The following MIX23 variants were observed in gnomAD, a reference collection of about 807,000 sequenced individuals.
MIX23 encodes mitochondrial matrix import factor 23, also known as protein MIX23.
MIX23 carries 13 observed loss-of-function variants against 21.6 expected under a neutral mutation model. That is an observed-to-expected ratio of 0.60 (90% CI 0.39 to 0.96). MIX23 has a LOEUF of 0.96. Ranked by LOEUF, MIX23 falls within the 40% of genes least tolerant of loss-of-function variation. The probability of loss-of-function intolerance (pLI) is 0.00; values close to 1 mark genes in which losing one functional copy is unlikely to be tolerated. For missense variants in MIX23, 144 were observed against 171.2 expected (o/e 0.84, Z 0.89); for synonymous variants, 59 against 58.0 (o/e 1.02, Z -0.08).
chr3:122,368,084 T>C, intron 3 of MIX23, 92 bp downstream of exon 3: 5 of 1,207,244 alleles, frequency 4.1e-6, no homozygotes, highest in Non-Finnish European at 6.0e-6. Flanking sequence ...AACTGCCATA[T>C]TATATGCCAA....
At chr3:122,359,995 T>TTCC in intron 4 of MIX23, 76 bp from the exon 5 acceptor site, 1 of 1,382,382 alleles carries the variant, frequency 7.2e-7, no homozygotes, top group Non-Finnish European at 1.0e-6. Context: ...TTCAATTTAG[T>TTCC]AGGCTCCAAA....
chr3:122,377,710 T>C (rs1432813721), intron 1 of MIX23, among the ~76,000 whole-genome samples: 2 of 152,090 alleles, frequency 1.3e-5, no homozygotes, highest in Non-Finnish European at 1.5e-5. Flanking sequence ...TAGCCAAGCA[T>C]GGTGGCATGT....
At chr3:122,378,069 C>T (rs2075501956) in intron 1 of MIX23, among the ~76,000 whole-genome samples, 1 of 152,124 alleles carries the variant, frequency 6.6e-6, no homozygotes, top group African/African-American at 2.4e-5. Flanking sequence ...CACAGGGAAC[C>T]AAACATGTGT....
At chr3:122,372,550 G>A (rs1397691881) in intron 1 of MIX23, among the ~76,000 whole-genome samples, 5 of 152,212 alleles carry the variant, frequency 3.3e-5, no homozygotes, top group East Asian at 1.9e-4. Context: ...GGCTGGGCAC[G>A]GTGGCTCACA....
At chr3:122,361,031 G>A (rs1429442247) in intron 4 of MIX23, among the ~76,000 whole-genome samples, 1 of 152,056 alleles carries the variant, frequency 6.6e-6, no homozygotes, top group East Asian at 1.9e-4. Flanking sequence ...TTTTAGTAGA[G>A]ACGGGGTTTC....
chr3:122,362,580 C>T (rs1420068822), intron 4 of MIX23, among the ~76,000 whole-genome samples: 4 of 151,842 alleles, frequency 2.6e-5, no homozygotes, highest in South Asian at 2.1e-4. Flanking sequence ...CTCCTGGGTT[C>T]GAGCGATTCT....
intron 2 of MIX23, among the ~76,000 whole-genome samples, chr3:122,368,686 C>T (rs1446760810): frequency 6.6e-6 from 1 of 152,194 alleles, no homozygotes; most frequent in Non-Finnish European, 1.5e-5. Context: ...TATTCTACAA[C>T]CACCCGCACA....
In MIX23 at chr3:122,359,861, A is replaced by C. The variant is rs759478209; in HGVS notation, c.*8T>G. ...AAAAAAAAAAAAAAAAAAAAAAAGA[A>C]TCTCTCTTTATTCATTCTTTGGAGG... On this transcript the variant is annotated 3_prime_UTR_variant, in exon 5 of 5. Transcript: ENST00000291458. 6.7e-7 allele frequency: 1 copy of C among 1,488,612 alleles called. No individual in the cohort carries two copies. Among genetic ancestry groups the C allele is most frequent in the South Asian group, 1.3e-5 (1 of 78,238 alleles). The allele number at this position is 1,488,612 out of a possible 1,614,324, so 92.2% of individuals were successfully genotyped here.
intron 1 of MIX23, among the ~76,000 whole-genome samples, chr3:122,379,901 T>C (rs918371240): frequency 6.6e-6 from 1 of 152,236 alleles, no homozygotes; most frequent in African/African-American, 2.4e-5. Flanking sequence ...TCTGAAATTA[T>C]GCAGGCGTTT....
intron 1 of MIX23, among the ~76,000 whole-genome samples, chr3:122,377,104 C>T (rs2075493583): frequency 6.6e-6 from 1 of 152,168 alleles, no homozygotes; most frequent in South Asian, 2.1e-4. Flanking sequence ...TTGCTTGAAC[C>T]CAGCACGCAG....
At chr3:122,382,934 C>T (rs1190459632) in intron 1 of MIX23, among the ~76,000 whole-genome samples, 2 of 152,234 alleles carry the variant, frequency 1.3e-5, no homozygotes, top group Non-Finnish European at 2.9e-5. Context: ...TTACCCAGAG[C>T]TTCCCAGACA....
At chr3:122,362,810 C>CG (rs1474079797) in intron 4 of MIX23, among the ~76,000 whole-genome samples, 158 bp downstream of exon 4, 7 of 136,798 alleles carry the variant, frequency 5.1e-5, no homozygotes, top group Non-Finnish European at 7.8e-5. Context: ...TACCCTCCCC[C>CG]CAACCCCAAA....
chr3:122,371,124 G>C (rs1209489326), intron 2 of MIX23, among the ~76,000 whole-genome samples: 2 of 152,144 alleles, frequency 1.3e-5, no homozygotes, highest in Admixed American at 6.5e-5. Flanking sequence ...TGCTTTTGGA[G>C]ACTAAAAAAG....
In MIX23 at chr3:122,368,209, C is replaced by A; in HGVS notation, c.291G>T (p.Thr97=). ...GCTCTTTTCTAAGTTGTTTTAATAA[C>A]GTTAAATCGTCCAAATTCTTTTCTC... ...EEREKNLDDL[T]LLKQLRKEQT... is the part of the protein sequence containing the mutation. Residue 97 remains threonine (T), a synonymous_variant, in exon 3 of 5, where the codon ACG becomes ACT. Transcript: ENST00000291458. The A allele has an allele frequency of 6.2e-7, 1 of 1,610,066 alleles. No individual in the cohort carries two copies. The highest frequency in any genetic ancestry group is 1.1e-5 in the South Asian group (1 of 90,968).
At chr3:122,383,062 C>G in intron 1 of MIX23, 112 bp downstream of exon 1, 1 of 1,417,550 alleles carries the variant, frequency 7.1e-7, no homozygotes, top group East Asian at 2.3e-5. Flanking sequence ...GAGAAAAGAG[C>G]TTTGAATTGC....
At chr3:122,368,811 A>C (rs879475602) in intron 2 of MIX23, among the ~76,000 whole-genome samples, 13 of 152,238 alleles carry the variant, frequency 8.5e-5, no homozygotes, top group Admixed American at 5.2e-4. Flanking sequence ...AGAAGATTTC[A>C]TTACAATAAA....
chr3:122,368,641 C>T (rs547860964), intron 2 of MIX23, among the ~76,000 whole-genome samples: 20 of 152,336 alleles, frequency 1.3e-4, no homozygotes, highest in Non-Finnish European at 2.5e-4. Flanking sequence ...CCCTACACCA[C>T]TGACTTTCCC....
chr3:122,376,166 CAAAAAAAAAAA>C (rs1158747986), intron 1 of MIX23, among the ~76,000 whole-genome samples: 1 of 64,480 alleles, frequency 1.6e-5, no homozygotes, highest in East Asian at 5.2e-4. Context: ...GACTCCGTCT[CAAAAAAAAAAA>C]AAAAAAAAAA....
chr3:122,371,913 A>G (rs2075444735), intron 1 of MIX23, 113 bp from the exon 2 acceptor site: 1 of 911,248 alleles, frequency 1.1e-6, no homozygotes, highest in Admixed American at 2.9e-5. Flanking sequence ...TTAAGTCAGG[A>G]GTGAGGAAAC....
Sources: allele counts gnomAD v4.1 joint callset (sites outside exome capture counted in the v4.1 genomes callset), GRCh38; gene constraint gnomAD v4.1.1; transcripts MANE v1.5; gene names NCBI Gene and HGNC (gene_info 2026-07-23, HGNC 2026-07-21).